Variants in SMYD3 observed in about 807,000 individuals in gnomAD.
SMYD3 encodes the protein histone-lysine N-methyltransferase SMYD3.
Under a neutral mutation model 57.7 loss-of-function variants are expected in SMYD3, and 36 were observed. The observed-to-expected ratio is 0.62, with a 90% CI of 0.48 to 0.82. The LOEUF (loss-of-function observed/expected upper bound fraction) is 0.82. SMYD3 is among the 40% of genes least tolerant of loss of function. The probability of loss-of-function intolerance (pLI) is 0.00; values close to 1 mark genes in which losing one functional copy is unlikely to be tolerated. For missense variants in SMYD3, 515 were observed against 538.8 expected (o/e 0.96, Z 0.44); for synonymous variants, 211 against 195.0 (o/e 1.08, Z -0.68).
chr1:245,769,681 G>A (rs2046261028), intron 10 of SMYD3, among the ~76,000 whole-genome samples: 1 of 152,172 alleles, frequency 6.6e-6, no homozygotes, highest in African/African-American at 2.4e-5. Context: ...AAATGGCATT[G>A]CGCATGGAAG....
At chr1:245,873,054 C>CAT (rs1416708971) in intron 8 of SMYD3, among the ~76,000 whole-genome samples, 3 of 152,188 alleles carry the variant, frequency 2.0e-5, no homozygotes, top group Non-Finnish European at 4.4e-5. Flanking sequence ...AGCATCTACA[C>CAT]GTTGAGGGCA....
intron 1 of SMYD3, among the ~76,000 whole-genome samples, chr1:246,495,071 C>T (rs993013494): frequency 2.0e-5 from 3 of 152,250 alleles, no homozygotes; most frequent in Admixed American, 2.0e-4. Context: ...TATGCTCTGC[C>T]GGGCGCGGTG....
intron 1 of SMYD3, among the ~76,000 whole-genome samples, chr1:246,357,750 A>C (rs1184634848): frequency 6.6e-6 from 1 of 152,204 alleles, no homozygotes; most frequent in Non-Finnish European, 1.5e-5. Flanking sequence ...ACAGTCTTTT[A>C]AGACAAATGC....
At chr1:246,119,414 T>C (rs1447254107) in intron 5 of SMYD3, among the ~76,000 whole-genome samples, 3 of 98,552 alleles carry the variant, frequency 3.0e-5, no homozygotes, top group African/African-American at 1.1e-4. Context: ...TTGTTCTTTC[T>C]TTTTTTTTTT....
In SMYD3 at chr1:246,334,506, T is replaced by C. The variant is rs1225926625; in HGVS notation, c.336+861A>G. On this transcript the variant is annotated intron_variant, in intron 3 of 11. Coordinates refer to ENST00000490107, the MANE Select transcript of SMYD3 (RefSeq NM_001167740.2). ...TTTTTACTCACAACTGAGAGCTACA[T>C]ATTGGGTGGACATGGACACAAAGAT... 2.0e-5 allele frequency among the ~76,000 whole-genome samples: 3 copies of C among 152,042 alleles called. 1 individual carries two copies. Among genetic ancestry groups the C allele is most frequent in the Non-Finnish European group, 2.9e-5 (2 of 68,010 alleles).
chr1:245,934,435 GATTT>G (rs1479047260), intron 5 of SMYD3, among the ~76,000 whole-genome samples: 2 of 152,128 alleles, frequency 1.3e-5, no homozygotes, highest in African/African-American at 4.8e-5. Context: ...ATTAAGTACA[GATTT>G]TTTTCCAGAA....
intron 1 of SMYD3, among the ~76,000 whole-genome samples, chr1:246,499,242 T>G (rs1390207493): frequency 1.3e-5 from 2 of 150,992 alleles, no homozygotes; most frequent in Non-Finnish European, 3.0e-5. Flanking sequence ...AGGCAGAGGT[T>G]GCAGTGAGCC....
chr1:245,756,666 C>A (rs767648828), intron 11 of SMYD3, among the ~76,000 whole-genome samples: 4 of 151,880 alleles, frequency 2.6e-5, no homozygotes, highest in Non-Finnish European at 5.9e-5. Context: ...GTTAACAGTT[C>A]TTTTCTTTCA....
At chr1:245,836,279 G>A (rs1434943554) in intron 10 of SMYD3, among the ~76,000 whole-genome samples, 2 of 152,206 alleles carry the variant, frequency 1.3e-5, no homozygotes, top group Non-Finnish European at 2.9e-5. Context: ...CAGTTGAGCT[G>A]AGGAGAAACT....
At chr1:245,881,369 G>A (rs978101861) in intron 8 of SMYD3, among the ~76,000 whole-genome samples, 1 of 152,162 alleles carries the variant, frequency 6.6e-6, no homozygotes. Context: ...AGTAAGGTAG[G>A]CCATACTCAG....
intron 5 of SMYD3, among the ~76,000 whole-genome samples, chr1:245,935,204 A>G (rs1277343707): frequency 1.3e-5 from 2 of 152,240 alleles, no homozygotes; most frequent in African/African-American, 4.8e-5. Flanking sequence ...AAGCAACACA[A>G]TATCAAGAAA....
At chr1:246,417,031 C>T (rs1189701002) in intron 1 of SMYD3, among the ~76,000 whole-genome samples, 1 of 152,132 alleles carries the variant, frequency 6.6e-6, no homozygotes, top group African/African-American at 2.4e-5. Context: ...AGACATTACC[C>T]GAGAGACTTC....
At chr1:246,101,063 G>GTTTTTTT (rs1558228762) in intron 5 of SMYD3, among the ~76,000 whole-genome samples, 8 of 92,952 alleles carry the variant, frequency 8.6e-5, no homozygotes, top group Non-Finnish European at 1.3e-4. Flanking sequence ...TATTTTTAGG[G>GTTTTTTT]GTTTTTTGTT....
intron 5 of SMYD3, among the ~76,000 whole-genome samples, chr1:246,076,750 A>C (rs1182176332): frequency 1.3e-5 from 2 of 152,286 alleles, no homozygotes; most frequent in African/African-American, 4.8e-5. Flanking sequence ...AAAATGAAAA[A>C]AAATGCTTTG....
In SMYD3 at chr1:246,391,405, AGAAAGAGAGAGAAAAAGAG is replaced by A. The variant is rs2066565976; in HGVS notation, c.165-36330_165-36312del. On this transcript the variant is annotated intron_variant, in intron 1 of 11. Coordinates refer to ENST00000490107, the MANE Select transcript of SMYD3 (RefSeq NM_001167740.2). ...GAGAGAGAGAGAGAAAGAGAGAGAG[AGAAAGAGAGAGAAAAAGAG>A]AGAGAGAGAGAGAGAGAAGGAGAGA... Among the ~76,000 whole-genome samples, 18 of 44,972 alleles carry A rather than the reference AGAAAGAGAGAGAAAAAGAG, an allele frequency of 4.0e-4. 1 individual carries two copies. Among genetic ancestry groups the A allele is most frequent in the Admixed American group, 5.7e-4 (3 of 5,260 alleles). The allele number at this position is 44,972 out of a possible 152,430, so 29.5% of individuals were successfully genotyped here. A position where few individuals can be genotyped will look rare whatever the true frequency, so the allele number is the denominator to read the frequency against.
At chr1:245,953,737 A>T (rs912785998) in intron 5 of SMYD3, among the ~76,000 whole-genome samples, 1 of 152,174 alleles carries the variant, frequency 6.6e-6, no homozygotes, top group Non-Finnish European at 1.5e-5. Flanking sequence ...TTCAGTTTTT[A>T]AAAATAAACA....
intron 5 of SMYD3, among the ~76,000 whole-genome samples, chr1:246,014,025 T>G (rs2059331816): frequency 6.6e-6 from 1 of 152,232 alleles, no homozygotes; most frequent in Non-Finnish European, 1.5e-5. Flanking sequence ...AATTTTGCAT[T>G]AAAAGCAAGT....
chr1:245,820,682 G>T (rs1268116010), intron 10 of SMYD3, among the ~76,000 whole-genome samples: 5 of 152,094 alleles, frequency 3.3e-5, no homozygotes, highest in Admixed American at 3.3e-4. Flanking sequence ...AAGCTGATAA[G>T]CAACTTCAGC....
intron 5 of SMYD3, among the ~76,000 whole-genome samples, chr1:246,015,112 C>T (rs1217278452): frequency 1.3e-5 from 2 of 152,174 alleles, no homozygotes; most frequent in Non-Finnish European, 2.9e-5. Flanking sequence ...AAATCATCCA[C>T]ACTTCCCCAT....
Sources: gnomAD v4.1 joint callset for allele counts (sites outside exome capture counted in the v4.1 genomes callset) on GRCh38, gnomAD v4.1.1 for gene constraint, MANE v1.5 for transcripts, NCBI Gene and HGNC (gene_info 2026-07-23, HGNC 2026-07-21) for gene names.